Variants in RBMX observed in about 807,000 individuals in gnomAD.
The protein encoded by RBMX is RNA-binding motif protein, X chromosome.
RBMX carries 1 observed loss-of-function variant against 29.3 expected under a neutral mutation model. The observed-to-expected ratio is 0.03, with a 90% CI of 0.01 to 0.16. RBMX has a LOEUF of 0.16. Among genes scored for constraint, RBMX ranks in the 10% least tolerant of loss-of-function variants. RBMX has a pLI of 1.00. For missense variants in RBMX, 121 were observed against 333.2 expected, an observed-to-expected ratio of 0.36 and a Z score of 4.96; for synonymous variants, 102 against 102.3, an observed-to-expected ratio of 1.00 and a Z score of 0.02.
At chrX:136,870,849 A>G (rs1466710503), downstream of RBMX, among the ~76,000 whole-genome samples, 1 of 108,405 alleles carries the variant, frequency 9.2e-6, no homozygotes, top group Non-Finnish European at 1.9e-5. Context: ...GCTCACGTCT[A>G]TAATCTCAGC....
At chrX:136,880,145 T>C (rs2077783391) in intron 1 of RBMX, among the ~76,000 whole-genome samples, 1 of 111,872 alleles carries the variant, frequency 8.9e-6, no homozygotes, top group Non-Finnish European at 1.9e-5. Context: ...TGGCGACACT[T>C]GGATTCAACC....
At chrX:136,869,546 G>A (rs1053083), downstream of RBMX, 5 of 111,705 alleles carry the variant, frequency 4.5e-5, no homozygotes, top group African/African-American at 6.5e-5. Context: ...CCAAGTAATC[G>A]TAAGAGTATA....
At chrX:136,877,871 T>A in intron 4 of RBMX, 44 bp downstream of exon 4, 2 of 1,100,071 alleles carry the variant, frequency 1.8e-6, no homozygotes, top group Admixed American at 5.8e-5. Context: ...GAGCTTGCAG[T>A]CCCTAACTTA....
Position 136,874,201 on chromosome X carries a change from T to G in RBMX, c.1117A>C (p.Arg373=). The G allele has an allele frequency of 1.6e-6, 2 of 1,212,806 alleles. No individual in the cohort carries two copies. The highest frequency in any genetic ancestry group is 2.2e-6 in the Non-Finnish European group (2 of 895,581). Reference sequence around the variant, plus strand: ...CGGCTTCCTCCACGGCCACCACCTCTTGGTGCTCCGCGGCTTGAACTGCTG... The same window carrying G: ...CGGCTTCCTCCACGGCCACCACCTCGTGGTGCTCCGCGGCTTGAACTGCTG... ...SYSSSSRGAP[R]GGGRGGSRSD... Residue 373 remains arginine (R), a synonymous_variant, in exon 9 of 9, where the codon AGA becomes CGA. Coordinates refer to ENST00000320676, the MANE Select transcript of RBMX (RefSeq NM_002139.4).
chrX:136,873,854 AG>A lies in RBMX; in HGVS notation c.*287del, dbSNP rs1179222650. ...CCTCATTTGCTGGGAAAAATCAGAT[AG>A]GAAGTGGCCTTTAGGGGATACTTTT... On this transcript the variant is annotated 3_prime_UTR_variant, in exon 9 of 9. Transcript: ENST00000320676. 20 of 888,763 alleles carry A rather than the reference AG, an allele frequency of 2.3e-5. No individual in the cohort carries two copies. The highest frequency in any genetic ancestry group is 4.9e-5 in the South Asian group (1 of 20,414). 73.2% of individuals were successfully genotyped at this position (888,763 alleles called of 1,213,427 possible).
chrX:136,875,230 T>C (rs776833261), intron 7 of RBMX, 28 bp downstream of exon 7: 8 of 1,209,465 alleles, frequency 6.6e-6, no homozygotes, highest in South Asian at 1.8e-5. Context: ...TTTTCTTACA[T>C]GTAAGCCACA....
At position 136,875,403 on chromosome X, in the gene RBMX, GTTTATGC is replaced by G; in HGVS notation, c.657-27_657-21del. 1 of 1,206,917 alleles carries G rather than the reference GTTTATGC, an allele frequency of 8.3e-7. No individual in the cohort carries two copies. Among genetic ancestry groups the G allele is most frequent in the Non-Finnish European group, 1.1e-6 (1 of 893,463 alleles). The stretch of plus-strand genomic sequence containing the variant: ...GAATAGCTACAAAGCAAAAGTTTTG[GTTTATGC>G]TTTTGATAAGCTTTCCTTCAACCTT... On this transcript the variant is annotated intron_variant, in intron 6 of 8. Coordinates refer to ENST00000320676, the MANE Select transcript of RBMX (RefSeq NM_002139.4).
downstream of RBMX, among the ~76,000 whole-genome samples, chrX:136,870,701 C>G (rs2077678523): frequency 9.9e-6 from 1 of 101,364 alleles, no homozygotes; most frequent in African/African-American, 3.7e-5. Flanking sequence ...CACGGTGGTG[C>G]ACACCCGTAG....
downstream of RBMX, among the ~76,000 whole-genome samples, chrX:136,870,743 A>G (rs12688239): frequency 2.1e-3 from 218 of 103,268 alleles, 1 homozygote; most frequent in East Asian, 0.051. Flanking sequence ...GAGGCAGGAG[A>G]ATCGCTTGAA....
chrX:136,874,653 T>A, intron 8 of RBMX: 1 of 493,330 alleles, frequency 2.0e-6, no homozygotes, highest in East Asian at 3.8e-5. Flanking sequence ...AATGTTTGTT[T>A]GAAAAGACTG....
chrX:136,875,715 T>A (rs1255067909), intron 5 of RBMX, 130 bp from the exon 6 acceptor site: 2 of 919,334 alleles, frequency 2.2e-6, no homozygotes, highest in East Asian at 6.8e-5. Context: ...TCACCTAATT[T>A]TATTTTCTAC....
chrX:136,878,563 T>C (rs766968804), intron 3 of RBMX, among the ~76,000 whole-genome samples: 3 of 97,380 alleles, frequency 3.1e-5, no homozygotes, highest in African/African-American at 1.2e-4. Context: ...CTGGCCAACA[T>C]GGTGAAACCC....
chrX:136,875,902 A>T (rs1202785142), intron 5 of RBMX, among the ~76,000 whole-genome samples: 1 of 109,474 alleles, frequency 9.1e-6, no homozygotes, highest in Non-Finnish European at 1.9e-5. Flanking sequence ...TCTGGGTTCA[A>T]GTGATTCTCC....
At chrX:136,875,745 A>T (rs1198840221) in intron 5 of RBMX, among the ~76,000 whole-genome samples, 160 bp from the exon 6 acceptor site, 1 of 111,906 alleles carries the variant, frequency 8.9e-6, no homozygotes, top group Non-Finnish European at 1.9e-5. Context: ...TTCATATTTT[A>T]AATTTTTTTC....
chrX:136,873,560 C>A lies in RBMX; in HGVS notation c.*582G>T. The A allele has an allele frequency of 1.3e-6, 1 of 754,199 alleles. No homozygotes were observed. Among genetic ancestry groups the A allele is most frequent in the Non-Finnish European group, 1.6e-6 (1 of 638,879 alleles). The allele number at this position is 754,199 out of a possible 1,213,427, so 62.2% of individuals were successfully genotyped here. ...GGGAAAGGGGAGGTTCTTGCAGATT[C>A]CCAAGGAAATGTCAGAAAGGCAAAA... On this transcript the variant is annotated 3_prime_UTR_variant, in exon 9 of 9. Transcript: ENST00000320676.
At chrX:136,869,445 T>C (rs1053123), downstream of RBMX, 1 of 111,907 alleles carries the variant, frequency 8.9e-6, no homozygotes, top group African/African-American at 3.3e-5. Flanking sequence ...TTTGGTACAA[T>C]CTCTATATCC....
At position 136,876,597 on chromosome X, in the gene RBMX, T is replaced by C. The variant is rs189140023; in HGVS notation, c.447A>G (p.Val149=). The C allele has an allele frequency of 1.4e-5, 17 of 1,206,509 alleles. No homozygotes were observed. The African/African-American group carries it at 2.5e-4, about 17-fold the overall frequency. The change falls in exon 5 of 9, where the codon GTA becomes GTG. Residue 149 remains valine (V), a synonymous_variant. Transcript: ENST00000320676. ...NMSSSRGPLP[V]KRGPPPRSGG... is the part of the protein sequence containing the mutation. ...CACTTCTTGGTGGTGGTCCTCTTTTTACTGGGAGTGGTCCCCTGGAAGAAC... is the reference window on the plus strand; with the variant it reads ...CACTTCTTGGTGGTGGTCCTCTTTTCACTGGGAGTGGTCCCCTGGAAGAAC...
downstream of RBMX, chrX:136,873,027 C>A (rs1424131785): frequency 1.9e-5 from 2 of 107,812 alleles, no homozygotes; most frequent in African/African-American, 6.8e-5. Flanking sequence ...ATTAATAAAG[C>A]CTTTAAGTGT....
chrX:136,876,972 A>C (rs1032971886), intron 4 of RBMX, among the ~76,000 whole-genome samples: 6 of 106,774 alleles, frequency 5.6e-5, no homozygotes, highest in Non-Finnish European at 1.2e-4. Context: ...TCAGCCTCCC[A>C]AAGTGCTGGG....
Sources: gnomAD v4.1 joint callset for allele counts (sites outside exome capture counted in the v4.1 genomes callset) on GRCh38, gnomAD v4.1.1 for gene constraint, MANE v1.5 for transcripts, NCBI Gene and HGNC (gene_info 2026-07-23, HGNC 2026-07-21) for gene names.